CCDC78: variants seen among roughly 807,000 people sequenced by gnomAD.
CCDC78 encodes coiled-coil domain-containing protein 78.
Under a neutral mutation model 61.9 loss-of-function variants are expected in CCDC78, and 78 were observed. That is an observed-to-expected ratio of 1.26 (90% CI 1.05 to 1.52). The LOEUF (loss-of-function observed/expected upper bound fraction) is 1.52, where lower values mean the gene tolerates loss of function less well. Among genes scored for constraint, CCDC78 ranks in the 40% most tolerant of loss-of-function variants. CCDC78 has a pLI of 0.00. For synonymous variants in CCDC78, 287 were observed against 251.9 expected (o/e 1.14, Z -1.32); for missense variants, 737 against 615.5 (o/e 1.20, Z -2.09).
chr16:724,408 C>G lies in CCDC78; in HGVS notation c.867G>C (p.Glu289Asp), dbSNP rs1353438329. 2 of 1,610,516 alleles carry G rather than the reference C, an allele frequency of 1.2e-6. No homozygotes were observed. The highest frequency in any genetic ancestry group is 2.2e-5 in the South Asian group (2 of 91,070). ...EDIRAAHRSR[E>D]QQLARAARSY... Reference sequence around the variant, plus strand: ...TGCGGGCAGCCCGGGCCAGCTGCTGCTCACGGCTGCGGTGCGCTGCCCGGA... The same window carrying G: ...TGCGGGCAGCCCGGGCCAGCTGCTGGTCACGGCTGCGGTGCGCTGCCCGGA... Residue 289 changes from glutamate to aspartate, a missense_variant, in exon 9 of 14, where the codon GAG becomes GAC. Coordinates refer to ENST00000345165, the MANE Select transcript of CCDC78 (RefSeq NM_001378030.1).
chr16:724,726 C>G lies in CCDC78; in HGVS notation c.720G>C (p.Lys240Asn). The G allele has an allele frequency of 6.2e-7, 1 of 1,612,172 alleles. No individual in the cohort carries two copies. The highest frequency in any genetic ancestry group is 8.5e-7 in the Non-Finnish European group (1 of 1,179,790). Residue 240 changes from lysine (K) to asparagine (N), a missense_variant, in exon 8 of 14, where the codon AAG becomes AAC. Coordinates refer to ENST00000345165, the MANE Select transcript of CCDC78 (RefSeq NM_001378030.1). ...GTTGCAGCCGTAGGACGTACTCATC[C>G]TTCAGTTTCTTGAGCTGCAGCTGCA... is the stretch of plus-strand genomic sequence containing the variant. ...ARLQLQLKKL[K>N]DEYVLRLQHC... is the part of the protein sequence containing the mutation.
At position 724,200 on chromosome 16, in the gene CCDC78, G is replaced by A. The variant is rs2040591165; in HGVS notation, c.959C>T (p.Pro320Leu). 3 of 1,595,638 alleles carry A rather than the reference G, an allele frequency of 1.9e-6. No homozygotes were observed. Among genetic ancestry groups the A allele is most frequent in the Non-Finnish European group, 1.7e-6 (2 of 1,170,530 alleles). Residue 320 changes from proline to leucine, a missense_variant, in exon 10 of 14, where the codon CCT becomes CTT. Coordinates refer to ENST00000345165, the MANE Select transcript of CCDC78 (RefSeq NM_001378030.1). ...HEELLVAYRA[P>L]GNPQAIFDIA... Reference sequence around the variant, plus strand: ...GTCAAAAATAGCTTGGGGGTTCCCAGGTGCCCTGTCAGGGTAGGCTAGTGT... The same window carrying A: ...GTCAAAAATAGCTTGGGGGTTCCCAAGTGCCCTGTCAGGGTAGGCTAGTGT...
In CCDC78 at chr16:723,141, C is replaced by T. The variant is rs755929917; in HGVS notation, c.1154G>A (p.Trp385Ter). 3 of 1,612,640 alleles carry T rather than the reference C, an allele frequency of 1.9e-6. No individual in the cohort carries two copies. In the South Asian group the frequency reaches 3.3e-5, roughly 18 times the overall value. Residue 385 changes from tryptophan (W) to a stop codon, truncating the protein, a stop_gained, in exon 12 of 14, where the codon TGG becomes TAG. Transcript: ENST00000345165. LOFTEE classifies it high-confidence loss of function. ...SEPQGLDAAS[W>*]AQIHQKLRDF... Reference sequence around the variant, plus strand: ...CCGGAGCTTCTGGTGGATCTGGGCCCAGGATGCAGCGTCCAGGCCCCTGTG... The same window carrying T: ...CCGGAGCTTCTGGTGGATCTGGGCCTAGGATGCAGCGTCCAGGCCCCTGTG...
Position 722,664 on chromosome 16 carries a change from C to A in CCDC78, c.*14G>T. 1 of 1,603,460 alleles carries A rather than the reference C, an allele frequency of 6.2e-7. No individual in the cohort carries two copies. Among genetic ancestry groups the A allele is most frequent in the Non-Finnish European group, 8.5e-7 (1 of 1,179,592 alleles). On this transcript the variant is annotated 3_prime_UTR_variant, in exon 14 of 14. Transcript: ENST00000345165. ...CTGAGGAGCTCTGCTCTGCTCTGCTCCTTGGGAGACGGCCTAGTGGCTGCC... is the reference window on the plus strand; with the variant it reads ...CTGAGGAGCTCTGCTCTGCTCTGCTACTTGGGAGACGGCCTAGTGGCTGCC...
intron 8 of CCDC78, 55 bp from the exon 9 acceptor site, chr16:724,564 T>TC (rs2040648775): frequency 2.6e-6 from 4 of 1,554,550 alleles, no homozygotes; most frequent in East Asian, 4.7e-5. Flanking sequence ...TTTCCAACCA[T>TC]CCCCCCACCC....
rs896903031 is a variant in CCDC78, at chr16:725,740, G to A, written c.267+54C>T. ...CATGCCCATGCAGGGCACGTGTCCT[G>A]GGCCTGCACCCCCCGTCCCCCATGC... On this transcript the variant is annotated intron_variant, in intron 3 of 13. Coordinates refer to ENST00000345165, the MANE Select transcript of CCDC78 (RefSeq NM_001378030.1). 1.4e-4 allele frequency: 223 copies of A among 1,577,562 alleles called. 1 individual carries two copies. Among genetic ancestry groups the A allele is most frequent in the Middle Eastern group, 8.3e-4 (5 of 6,010 alleles).
intron 11 of CCDC78, 136 bp from the exon 12 acceptor site, chr16:723,297 C>G (rs552752636): frequency 8.6e-4 from 826 of 962,598 alleles, no homozygotes; most frequent in Non-Finnish European, 5.7e-4. Flanking sequence ...ATGGGCCCCC[C>G]CCGTGCTCCT....
intron 6 of CCDC78, 23 bp downstream of exon 6, chr16:725,055 C>A: frequency 6.2e-7 from 1 of 1,612,612 alleles, no homozygotes; most frequent in Non-Finnish European, 8.5e-7. Context: ...CAGGATGGGG[C>A]CCCAGGTGAG....
In CCDC78 at chr16:722,674, C is replaced by T. The variant is rs745421264; in HGVS notation, c.*4G>A. ...CTGCTCTGCTCTGCTCCTTGGGAGA[C>T]GGCCTAGTGGCTGCCGGTCCTTGGA... is the stretch of plus-strand genomic sequence containing the variant. On this transcript the variant is annotated 3_prime_UTR_variant, in exon 14 of 14. Coordinates refer to ENST00000345165, the MANE Select transcript of CCDC78 (RefSeq NM_001378030.1). The T allele has an allele frequency of 3.5e-5, 56 of 1,604,362 alleles. No homozygotes were observed. Among genetic ancestry groups the T allele is most frequent in the Middle Eastern group, 1.6e-4 (1 of 6,080 alleles).
intron 11 of CCDC78, 160 bp from the exon 12 acceptor site, chr16:723,321 C>CG: frequency 6.1e-6 from 5 of 825,270 alleles, no homozygotes; most frequent in Non-Finnish European, 1.0e-5. Context: ...GCGCCCCCCC[C>CG]AGGCCTTGGA....
intron 11 of CCDC78, 53 bp from the exon 12 acceptor site, chr16:723,214 A>G: frequency 6.3e-7 from 1 of 1,581,006 alleles, no homozygotes; most frequent in Non-Finnish European, 8.7e-7. Flanking sequence ...ATGGTGACAC[A>G]GGGACAGACG....
At position 724,136 on chromosome 16, in the gene CCDC78, C is replaced by T; in HGVS notation, c.1023G>A (p.Leu341=). Residue 341 remains leucine, a synonymous_variant, in exon 10 of 14, where the codon CTG becomes CTA. Coordinates refer to ENST00000345165, the MANE Select transcript of CCDC78 (RefSeq NM_001378030.1). ...CCTCCCGATGGCTGAAGTCAGTGAC[C>T]AGGGGCACGGGCAATGGTTCCAGGT... ...SLDLEPLPVP[L]VTDFSHREDQ... 6.2e-7 allele frequency: 1 copy of T among 1,602,978 alleles called. No homozygotes were observed. Among genetic ancestry groups the T allele is most frequent in the Non-Finnish European group, 8.5e-7 (1 of 1,175,054 alleles).
intron 1 of CCDC78, 75 bp downstream of exon 1, chr16:726,233 T>G: frequency 6.5e-7 from 1 of 1,550,132 alleles, no homozygotes; most frequent in South Asian, 1.2e-5. Context: ...TGCAGGAACC[T>G]GCACCCTCCT....
intron 2 of CCDC78, 30 bp downstream of exon 2, chr16:725,936 C>T: frequency 6.4e-7 from 1 of 1,573,734 alleles, no homozygotes; most frequent in African/African-American, 1.3e-5. Context: ...ACCCTCCCTC[C>T]TCACGAGCAC....
At chr16:723,213 C>T in intron 11 of CCDC78, 52 bp from the exon 12 acceptor site, 1 of 1,582,326 alleles carries the variant, frequency 6.3e-7, no homozygotes, top group Non-Finnish European at 8.6e-7. Context: ...CATGGTGACA[C>T]AGGGACAGAC....
chr16:723,514 A>G (rs897029394), intron 11 of CCDC78: 2 of 670,726 alleles, frequency 3.0e-6, no homozygotes, highest in Admixed American at 2.0e-5. Flanking sequence ...AGCTGGGAAC[A>G]TGGAGGCCCA....
rs750803439 is a variant in CCDC78, at chr16:726,398, C to T, written c.-31G>A. On this transcript the variant is annotated 5_prime_UTR_variant, in exon 1 of 14. Coordinates refer to ENST00000345165, the MANE Select transcript of CCDC78 (RefSeq NM_001378030.1). ...AGGGAACCCTGGCCAGCTCCGAGCC[C>T]GGTGCTGCCTCCACGCCCGGCTTCC... 21 of 1,513,546 alleles carry T rather than the reference C, an allele frequency of 1.4e-5. No individual in the cohort carries two copies. The South Asian group carries it at 2.1e-4, about 15-fold the overall frequency. The allele number at this position is 1,513,546 out of a possible 1,614,324, so 93.8% of individuals were successfully genotyped here. A position where few individuals can be genotyped will look rare whatever the true frequency, so the allele number is the denominator to read the frequency against.
rs12448312 is a variant in CCDC78, at chr16:725,955, C to A, written c.180+11G>T. 0.23 allele frequency: 366,493 copies of A among 1,559,720 alleles called. 45,994 individuals are homozygous for A. Among genetic ancestry groups the A allele is most frequent in the South Asian group, 0.32 (27,400 of 85,742 alleles). The stretch of plus-strand genomic sequence containing the variant: ...TCCCTCCTCACGAGCACGCTGGGGC[C>A]CCACACCCACCTGCAGCTGCTGCTC... On this transcript the variant is annotated intron_variant, in intron 2 of 13. Coordinates refer to ENST00000345165, the MANE Select transcript of CCDC78 (RefSeq NM_001378030.1).
At chr16:722,879 C>A (rs200333284) in intron 13 of CCDC78, 43 bp downstream of exon 13, 39 of 1,610,108 alleles carry the variant, frequency 2.4e-5, no homozygotes, top group Non-Finnish European at 3.3e-5. Context: ...TTCATTCCAA[C>A]CAGACCAGGG....
Sources: allele counts gnomAD v4.1 joint callset, GRCh38; gene constraint gnomAD v4.1.1; transcripts MANE v1.5; gene names NCBI Gene and HGNC (gene_info 2026-07-23, HGNC 2026-07-21).